The following PACRG variants were observed in gnomAD, a reference collection of about 807,000 sequenced individuals.
PACRG encodes parkin coregulated.
A neutral mutation model predicts 29.7 loss-of-function variants in PACRG; 29 were observed. That is an observed-to-expected ratio of 0.98 (90% CI 0.73 to 1.33). The LOEUF is 1.33. Ranked by LOEUF, PACRG falls within the 40% of genes most tolerant of loss-of-function variation. The pLI, the probability that PACRG is intolerant of heterozygous loss-of-function variation, is 0.00. For missense variants in PACRG, 279 were observed against 316.2 expected, an observed-to-expected ratio of 0.88 and a Z score of 0.89; for synonymous variants, 116 against 118.7, an observed-to-expected ratio of 0.98 and a Z score of 0.15.
chr6:163,107,487 T>C (rs1321246718), intron 4 of PACRG, among the ~76,000 whole-genome samples: 2 of 152,152 alleles, frequency 1.3e-5, no homozygotes, highest in Non-Finnish European at 2.9e-5. Flanking sequence ...CCTGCCTGAA[T>C]CTCCTGAGTC....
At chr6:162,873,359 A>G (rs1792995963) in intron 2 of PACRG, among the ~76,000 whole-genome samples, 1 of 152,176 alleles carries the variant, frequency 6.6e-6, no homozygotes, top group East Asian at 1.9e-4. Context: ...TTATTTTCTC[A>G]ATTTTAGTGG....
At chr6:163,165,089 C>A (rs1319843785) in intron 4 of PACRG, among the ~76,000 whole-genome samples, 1 of 152,128 alleles carries the variant, frequency 6.6e-6, no homozygotes, top group Non-Finnish European at 1.5e-5. Context: ...TCCCTATCCC[C>A]AAGTGCCAAC....
intron 2 of PACRG, among the ~76,000 whole-genome samples, chr6:162,838,169 G>A (rs1415201668): frequency 6.6e-6 from 1 of 152,078 alleles, no homozygotes; most frequent in African/African-American, 2.4e-5. Context: ...AGGTATAGGA[G>A]TTTATGCCAA....
At chr6:162,972,476 C>G (rs899923638) in intron 2 of PACRG, among the ~76,000 whole-genome samples, 1 of 152,102 alleles carries the variant, frequency 6.6e-6, no homozygotes, top group Non-Finnish European at 1.5e-5. Context: ...AAGCAGTGCC[C>G]TCTCTATTAA....
intron 1 of PACRG, among the ~76,000 whole-genome samples, chr6:162,812,219 G>A (rs968236160): frequency 8.6e-5 from 13 of 151,968 alleles, no homozygotes; most frequent in African/African-American, 2.7e-4. Flanking sequence ...ATTCCCATTC[G>A]GGAAAGCAAC....
chr6:162,986,362 T>C (rs9356089), intron 2 of PACRG, among the ~76,000 whole-genome samples: 80,236 of 151,908 alleles, frequency 0.53, 23,461 homozygotes, highest in African/African-American at 0.78. Context: ...ATAAAAAAGG[T>C]ACATAGACTG....
chr6:163,125,973 A>G (rs895464156), intron 4 of PACRG, among the ~76,000 whole-genome samples: 3 of 152,238 alleles, frequency 2.0e-5, no homozygotes, highest in Non-Finnish European at 4.4e-5. Flanking sequence ...AAACATGCAC[A>G]TATACATACA....
intron 2 of PACRG, among the ~76,000 whole-genome samples, chr6:162,960,617 G>T (rs1304744107): frequency 2.6e-5 from 4 of 152,182 alleles, no homozygotes; most frequent in African/African-American, 7.2e-5. Context: ...GAGGGAGGAA[G>T]GGAGAAGCGT....
intron 4 of PACRG, among the ~76,000 whole-genome samples, chr6:163,280,918 G>T (rs4708985): frequency 0.39 from 59,647 of 151,942 alleles, 11,901 homozygotes; most frequent in African/African-American, 0.44. Context: ...TATAACACAT[G>T]TAAACCACAA....
At chr6:163,030,324 A>T (rs1807542419) in intron 2 of PACRG, among the ~76,000 whole-genome samples, 1 of 152,218 alleles carries the variant, frequency 6.6e-6, no homozygotes, top group South Asian at 2.1e-4. Flanking sequence ...ATTTCTCTAG[A>T]TATATAGAAT....
intron 4 of PACRG, among the ~76,000 whole-genome samples, chr6:163,206,478 C>A (rs1199243753): frequency 6.6e-6 from 1 of 152,102 alleles, no homozygotes; most frequent in Non-Finnish European, 1.5e-5. Flanking sequence ...CACATGTTCT[C>A]ACTTATAAGT....
chr6:162,972,170 C>T (rs1181142320), intron 2 of PACRG, among the ~76,000 whole-genome samples: 1 of 152,158 alleles, frequency 6.6e-6, no homozygotes, highest in African/African-American at 2.4e-5. Context: ...ACCTGGCTTC[C>T]CTTATCTATA....
intron 4 of PACRG, among the ~76,000 whole-genome samples, chr6:163,276,782 G>A (rs1409103084): frequency 6.6e-6 from 1 of 152,174 alleles, no homozygotes; most frequent in Non-Finnish European, 1.5e-5. Flanking sequence ...AACCATCTAT[G>A]AAGAACAGGC....
At chr6:163,262,844 C>T (rs1475782946) in intron 4 of PACRG, among the ~76,000 whole-genome samples, 1 of 149,550 alleles carries the variant, frequency 6.7e-6, no homozygotes, top group African/African-American at 2.5e-5. Context: ...AAGTTCAAGA[C>T]TAGCCTGGGC....
intron 4 of PACRG, among the ~76,000 whole-genome samples, chr6:163,116,349 A>T (rs1815992079): frequency 6.6e-6 from 1 of 152,158 alleles, no homozygotes; most frequent in Admixed American, 6.5e-5. Context: ...CTGAGGGGGA[A>T]ATCCGCAGCC....
Position 163,239,949 on chromosome 6 carries a change from CCCA to C in PACRG, c.614-74876_614-74874del, listed in dbSNP as rs751737018. ...ATAACACACTCACACTCCCACCCCCCCCACACACTCACACTCCCATCGTCACAT... is the reference window on the plus strand; with the variant it reads ...ATAACACACTCACACTCCCACCCCCCCACACTCACACTCCCATCGTCACAT... On this transcript the variant is annotated intron_variant, in intron 4 of 4. Coordinates refer to ENST00000366888, the MANE Select transcript of PACRG (RefSeq NM_001080379.2). Among the ~76,000 whole-genome samples the C allele has an allele frequency of 1.1e-3, 147 of 131,104 alleles. 2 individuals carry two copies. The highest frequency in any genetic ancestry group is 2.6e-3 in the African/African-American group (87 of 33,504). 86.0% of individuals were successfully genotyped at this position (131,104 alleles called of 152,430 possible). A position where few individuals can be genotyped will look rare whatever the true frequency, so the allele number is the denominator to read the frequency against.
At chr6:162,937,410 G>A (rs1283753816) in intron 2 of PACRG, among the ~76,000 whole-genome samples, 4 of 152,120 alleles carry the variant, frequency 2.6e-5, no homozygotes, top group Non-Finnish European at 5.9e-5. Flanking sequence ...CAAAACCTGT[G>A]GGATCCCAAC....
At chr6:163,045,588 G>T (rs1389004330) in intron 2 of PACRG, among the ~76,000 whole-genome samples, 1 of 149,972 alleles carries the variant, frequency 6.7e-6, no homozygotes, top group Non-Finnish European at 1.5e-5. Context: ...CTCCCAAAGT[G>T]CTGGGATTAC....
chr6:163,066,602 G>T (rs984994115), intron 3 of PACRG, among the ~76,000 whole-genome samples: 2 of 152,208 alleles, frequency 1.3e-5, no homozygotes, highest in African/African-American at 4.8e-5. Context: ...AGTCAATGCA[G>T]AAGATAAAGG....
Sources: allele counts gnomAD v4.1 joint callset (sites outside exome capture counted in the v4.1 genomes callset), GRCh38; gene constraint gnomAD v4.1.1; transcripts MANE v1.5; gene names NCBI Gene and HGNC (gene_info 2026-07-23, HGNC 2026-07-21).